SPHKAP: variants seen among roughly 807,000 people sequenced by gnomAD.
SPHKAP encodes A-kinase anchor protein SPHKAP.
A neutral mutation model predicts 137.5 loss-of-function variants in SPHKAP; 67 were observed. That is an observed-to-expected ratio of 0.49 (90% confidence interval 0.40 to 0.60). The LOEUF (loss-of-function observed/expected upper bound fraction) is 0.60, where lower values mean the gene tolerates loss of function less well. SPHKAP is among the 20% of genes least tolerant of loss of function. SPHKAP has a pLI of 0.00. For synonymous variants in SPHKAP, 813 were observed against 785.3 expected (o/e 1.04, Z -0.59); for missense variants, 2,097 against 2,069.3 (o/e 1.01, Z -0.26).
chr2:228,173,476 G>T (rs1266393339), intron 1 of SPHKAP, among the ~76,000 whole-genome samples: 1 of 152,028 alleles, frequency 6.6e-6, no homozygotes. Context: ...GTAATCACAA[G>T]GTTTATTAAA....
At chr2:228,092,853 G>A (rs1697849992) in intron 3 of SPHKAP, among the ~76,000 whole-genome samples, 1 of 151,958 alleles carries the variant, frequency 6.6e-6, no homozygotes, top group Non-Finnish European at 1.5e-5. Context: ...TGGGAGCTAA[G>A]CTATGAGGAT....
chr2:228,127,776 G>T (rs369101476), intron 2 of SPHKAP, among the ~76,000 whole-genome samples: 1 of 152,208 alleles, frequency 6.6e-6, no homozygotes, highest in South Asian at 2.1e-4. Flanking sequence ...CAGAGATATT[G>T]TGGATTCAGT....
At chr2:228,155,351 T>C (rs886911398) in intron 1 of SPHKAP, among the ~76,000 whole-genome samples, 1 of 152,178 alleles carries the variant, frequency 6.6e-6, no homozygotes, top group African/African-American at 2.4e-5. Context: ...CCATAACCTA[T>C]ATGCAACTAT....
intron 2 of SPHKAP, among the ~76,000 whole-genome samples, chr2:228,114,686 C>A (rs1698648321): frequency 6.6e-6 from 1 of 152,122 alleles, no homozygotes; most frequent in African/African-American, 2.4e-5. Context: ...TAGACAATAT[C>A]TGTTTCATCG....
In SPHKAP at chr2:228,092,426, T is replaced by C. The variant is rs13020791; in HGVS notation, c.246+16406A>G. ...ATATACACATATATACATATATACATATATGTATATATGTGCCATATATAT... is the reference window on the plus strand; with the variant it reads ...ATATACACATATATACATATATACACATATGTATATATGTGCCATATATAT... On this transcript the variant is annotated intron_variant, in intron 3 of 11. Coordinates refer to ENST00000392056, the MANE Select transcript of SPHKAP (RefSeq NM_001142644.2). 1.4e-4 allele frequency among the ~76,000 whole-genome samples: 17 copies of C among 120,988 alleles called. 1 individual carries two copies. The highest frequency in any genetic ancestry group is 1.4e-3 in the Admixed American group (17 of 12,202). The allele number at this position is 120,988 out of a possible 152,430, so 79.4% of individuals were successfully genotyped here. A position where few individuals can be genotyped will look rare whatever the true frequency, so the allele number is the denominator to read the frequency against.
chr2:228,013,876 G>A lies in SPHKAP; in HGVS notation c.4448+2530C>T, dbSNP rs78066075. Among the ~76,000 whole-genome samples the A allele has an allele frequency of 2.0e-3, 306 of 152,292 alleles. 2 individuals are homozygous for A. The highest frequency in any genetic ancestry group is 7.0e-3 in the African/African-American group (293 of 41,570). On this transcript the variant is annotated intron_variant, in intron 7 of 11. Coordinates refer to ENST00000392056, the MANE Select transcript of SPHKAP (RefSeq NM_001142644.2). ...TAGTCCTTATGTTTTGGAAGCAGAT[G>A]TAGGTCTTGAATTTCTAGGGTGGAT...
chr2:228,072,510 G>T (rs59438198), intron 3 of SPHKAP, among the ~76,000 whole-genome samples: 1 of 152,012 alleles, frequency 6.6e-6, no homozygotes, highest in Non-Finnish European at 1.5e-5. Context: ...CCCCAAATCC[G>T]TGTTTTACAA....
rs899041975 is a variant in SPHKAP at position 228,178,100 on chromosome 2, G to T, written c.32+3467C>A. 1.1e-4 allele frequency among the ~76,000 whole-genome samples: 17 copies of T among 152,100 alleles called. 1 individual carries two copies. The highest frequency in any genetic ancestry group is 9.8e-4 in the Admixed American group (15 of 15,272). On this transcript the variant is annotated intron_variant, in intron 1 of 11. Coordinates refer to ENST00000392056, the MANE Select transcript of SPHKAP (RefSeq NM_001142644.2). ...AAGATGGTCTCCTTGCTTTTAGGCT[G>T]CCCCCATGTGTTCTGATGGTATCAG... is the stretch of plus-strand genomic sequence containing the variant.
Position 228,020,098 on chromosome 2 carries a change from G to A in SPHKAP, c.756C>T (p.Ala252=). The change falls in exon 7 of 12, where the codon GCC becomes GCT. Residue 252 remains alanine (A), a synonymous_variant. Coordinates refer to ENST00000392056, the MANE Select transcript of SPHKAP (RefSeq NM_001142644.2). Reference sequence around the variant, plus strand: ...TGTTGCAATTCCATTCCACCTGGGTGGCTCCCTTTAGCTGTTTACTTTCCA... The same window carrying A: ...TGTTGCAATTCCATTCCACCTGGGTAGCTCCCTTTAGCTGTTTACTTTCCA... ...NVLESKQLKG[A]TQVEWNCNKE... is the part of the protein sequence containing the mutation. The A allele has an allele frequency of 1.2e-6, 2 of 1,613,918 alleles. No individual in the cohort carries two copies. Among genetic ancestry groups the A allele is most frequent in the Non-Finnish European group, 1.7e-6 (2 of 1,179,980 alleles).
At chr2:228,151,242 G>C (rs1699919392) in intron 1 of SPHKAP, among the ~76,000 whole-genome samples, 2 of 151,794 alleles carry the variant, frequency 1.3e-5, no homozygotes, top group African/African-American at 4.8e-5. Flanking sequence ...TTTCATCCAT[G>C]TCCCTACAAA....
intron 3 of SPHKAP, among the ~76,000 whole-genome samples, chr2:228,058,246 G>A (rs919475580): frequency 6.6e-6 from 1 of 152,116 alleles, no homozygotes. Context: ...TTTTGGCAAT[G>A]TCTAGAGAAA....
At chr2:228,084,322 A>T (rs1336623722) in intron 3 of SPHKAP, among the ~76,000 whole-genome samples, 1 of 152,196 alleles carries the variant, frequency 6.6e-6, no homozygotes, top group Non-Finnish European at 1.5e-5. Context: ...AATAATGGTT[A>T]TATCAACAGT....
At chr2:228,042,551 T>C (rs1478173509) in intron 3 of SPHKAP, among the ~76,000 whole-genome samples, 1 of 152,132 alleles carries the variant, frequency 6.6e-6, no homozygotes, top group Non-Finnish European at 1.5e-5. Context: ...TAATCTACTT[T>C]ATATTTCTAT....
At chr2:228,003,910 GC>G (rs1488147924) in intron 7 of SPHKAP, among the ~76,000 whole-genome samples, 1 of 152,162 alleles carries the variant, frequency 6.6e-6, no homozygotes, top group Admixed American at 6.5e-5. Flanking sequence ...CAGGGATGAA[GC>G]CCACTTGATC....
At chr2:228,053,115 A>T (rs2106275484) in intron 3 of SPHKAP, among the ~76,000 whole-genome samples, 1 of 152,242 alleles carries the variant, frequency 6.6e-6, no homozygotes, top group Middle Eastern at 3.4e-3. Context: ...ACTCGTAGAC[A>T]GCCATCTTCT....
intron 7 of SPHKAP, among the ~76,000 whole-genome samples, chr2:227,999,179 C>T (rs1693751865): frequency 6.6e-6 from 1 of 152,132 alleles, no homozygotes; most frequent in African/African-American, 2.4e-5. Context: ...GATGCTTGAT[C>T]CTGACAGTCC....
chr2:228,027,969 A>T (rs1695120073), intron 3 of SPHKAP: 1 of 971,978 alleles, frequency 1.0e-6, no homozygotes, highest in Admixed American at 6.2e-5. Flanking sequence ...TGAAAAAAAA[A>T]AAAAAAAGAA....
In SPHKAP at chr2:228,096,261, T is replaced by C. The variant is rs974701993; in HGVS notation, c.246+12571A>G. On this transcript the variant is annotated intron_variant, in intron 3 of 11. Coordinates refer to ENST00000392056, the MANE Select transcript of SPHKAP (RefSeq NM_001142644.2). ...GAGGGCAGATGTAGAAGACTTTGAA[T>C]TGGATACTTGGGTGCAATTATACCT... Among the ~76,000 whole-genome samples, 10 of 152,304 alleles carry C rather than the reference T, an allele frequency of 6.6e-5. No individual in the cohort carries two copies. The South Asian group carries it at 8.3e-4, about 13-fold the overall frequency.
intron 3 of SPHKAP, among the ~76,000 whole-genome samples, chr2:228,056,707 T>C (rs1021828615): frequency 3.3e-5 from 5 of 152,166 alleles, no homozygotes; most frequent in African/African-American, 7.2e-5. Context: ...TTATAGAGTA[T>C]TGGCAAATGT....
Sources: gnomAD v4.1 joint callset for allele counts (sites outside exome capture counted in the v4.1 genomes callset) on GRCh38, gnomAD v4.1.1 for gene constraint, MANE v1.5 for transcripts, NCBI Gene and HGNC (gene_info 2026-07-23, HGNC 2026-07-21) for gene names.